The following SUSD1 variants were observed in gnomAD, a reference collection of about 807,000 sequenced individuals.
The protein encoded by SUSD1 is sushi domain-containing protein 1.
Under a neutral mutation model 86.9 loss-of-function variants are expected in SUSD1, and 65 were observed. The ratio of observed to expected loss-of-function variants is 0.75; its 90% CI spans 0.61 to 0.92. The LOEUF (loss-of-function observed/expected upper bound fraction) is 0.92. SUSD1 is among the 40% of genes least tolerant of loss of function. SUSD1 has a pLI of 0.00. For missense variants in SUSD1, 850 were observed against 929.7 expected (o/e 0.91, Z 1.11); for synonymous variants, 346 against 350.0 (o/e 0.99, Z 0.13).
At position 112,151,388 on chromosome 9, in the gene SUSD1, G is replaced by A. The variant is rs191309458; in HGVS notation, c.218-1989C>T. Among the ~76,000 whole-genome samples the A allele has an allele frequency of 3.3e-3, 510 of 152,276 alleles. 5 individuals carry two copies. The highest frequency in any genetic ancestry group is 0.011 in the African/African-American group (473 of 41,562). ...GAGGCAGGAGGATCGCCTGAGGTCA[G>A]GAGTTCGAGACCAGCCTGGCCAACA... is the stretch of plus-strand genomic sequence containing the variant. On this transcript the variant is annotated intron_variant, in intron 2 of 16. Transcript: ENST00000374270.
At position 112,112,109 on chromosome 9, in the gene SUSD1, T is replaced by C. The variant is rs1589672200; in HGVS notation, c.985-269A>G. 1.2e-5 allele frequency: 4 copies of C among 321,596 alleles called. No homozygotes were observed. The Admixed American group carries it at 1.4e-4, about 11-fold the overall frequency. The allele number at this position is 321,596 out of a possible 1,614,324, so 19.9% of individuals were successfully genotyped here. A position where few individuals can be genotyped will look rare whatever the true frequency, so the allele number is the denominator to read the frequency against. On this transcript the variant is annotated intron_variant, in intron 7 of 16. Coordinates refer to ENST00000374270, the MANE Select transcript of SUSD1 (RefSeq NM_022486.5). ...GGAGACAATTGCAACCTGAGGACCA[T>C]TGGCTGCACTCTGTCACCAAGTCAG... is the stretch of plus-strand genomic sequence containing the variant.
intron 13 of SUSD1, 99 bp from the exon 14 acceptor site, chr9:112,058,785 CTTTG>C: frequency 1.4e-6 from 2 of 1,479,526 alleles, no homozygotes; most frequent in Non-Finnish European, 1.8e-6. Flanking sequence ...AAACCTCTTT[CTTTG>C]TTTTTTTGTT....
rs1424318942 is a variant in SUSD1 at position 112,062,979 on chromosome 9, C to T, written c.1808G>A (p.Arg603His). The change falls in exon 13 of 17, where the codon CGC (arginine) becomes CAC (histidine). Residue 603 changes from arginine to histidine, a missense_variant. Physicochemically the swap from Arg to His is conservative, Grantham distance 29. Transcript: ENST00000374270. ...FFTVHRGPLP[R>H]LRLRKAKEKN... ...CTCCTTGGCTTTCCTCAGTCTGAGG[C>T]GTGGTAGAGGTCCTCTGTGCACCGT... 6.8e-6 allele frequency: 11 copies of T among 1,613,372 alleles called. No individual in the cohort carries two copies. The highest frequency in any genetic ancestry group is 2.2e-5 in the East Asian group (1 of 44,896).
chr9:112,143,208 A>T (rs1234888173), intron 4 of SUSD1, among the ~76,000 whole-genome samples: 10 of 151,020 alleles, frequency 6.6e-5, no homozygotes, highest in Admixed American at 5.3e-4. Flanking sequence ...CTGGTCTCGA[A>T]CTCCTGACCT....
At chr9:112,052,627 CA>C (rs762578256) in intron 14 of SUSD1, among the ~76,000 whole-genome samples, 189 bp from the exon 15 acceptor site, 6 of 152,144 alleles carry the variant, frequency 3.9e-5, no homozygotes, top group Non-Finnish European at 8.8e-5. Context: ...GCGTGGGTTG[CA>C]TGGACAGAAG....
chr9:112,052,197 G>A (rs774995041), intron 15 of SUSD1: 2 of 1,508,494 alleles, frequency 1.3e-6, no homozygotes, highest in Non-Finnish European at 1.8e-6. Context: ...CTTCTTGGTG[G>A]GGTAGCTCTT....
chr9:112,142,216 G>T, intron 5 of SUSD1, 104 bp downstream of exon 5: 1 of 951,878 alleles, frequency 1.1e-6, no homozygotes, highest in Non-Finnish European at 1.5e-6. Flanking sequence ...GAATTTTAAA[G>T]GTTTACTTAA....
intron 1 of SUSD1, chr9:112,169,541 CA>C (rs1279496790): frequency 6.6e-6 from 1 of 152,278 alleles, no homozygotes; most frequent in Non-Finnish European, 1.5e-5. Context: ...GCCTCAGGAC[CA>C]GAAACCAACC....
At chr9:112,116,375 GGAAA>G (rs1012624982) in intron 6 of SUSD1, among the ~76,000 whole-genome samples, 1 of 152,140 alleles carries the variant, frequency 6.6e-6, no homozygotes, top group African/African-American at 2.4e-5. Context: ...CAAATTAGTT[GGAAA>G]GACTCCTTTA....
intron 11 of SUSD1, 90 bp downstream of exon 11, chr9:112,079,984 T>A (rs1829695103): frequency 1.1e-6 from 1 of 880,162 alleles, no homozygotes; most frequent in South Asian, 1.4e-5. Context: ...ATAATGATAG[T>A]TATAGATGTA....
intron 1 of SUSD1, among the ~76,000 whole-genome samples, chr9:112,171,004 C>T (rs13292828): frequency 0.27 from 40,918 of 152,114 alleles, 6,713 homozygotes; most frequent in Middle Eastern, 0.34. Context: ...TGAGCCACCG[C>T]ACCCAGCCCA....
chr9:112,173,534 C>A, intron 1 of SUSD1: 1 of 295,796 alleles, frequency 3.4e-6, no homozygotes, highest in Non-Finnish European at 6.7e-6. Flanking sequence ...ACTCTGAAGG[C>A]TTTGTAGGGG....
At chr9:112,165,942 G>GAAGAAAGAAAGAAAGGAAGAAAGAAAGA (rs369416007) in intron 1 of SUSD1, among the ~76,000 whole-genome samples, 77 of 71,952 alleles carry the variant, frequency 1.1e-3, no homozygotes, top group African/African-American at 3.8e-3. Context: ...AAGAAAGAAA[G>GAAGAAAGAAAGAAAGGAAGAAAGAAAGA]AAGAAAGAAA....
chr9:112,061,427 C>T (rs985205389), intron 13 of SUSD1, among the ~76,000 whole-genome samples: 2 of 152,212 alleles, frequency 1.3e-5, no homozygotes, highest in Non-Finnish European at 2.9e-5. Context: ...TCCTCTTTTT[C>T]ACCACCACAC....
chr9:112,053,513 C>CAAAAAAA (rs56987871), intron 14 of SUSD1, among the ~76,000 whole-genome samples: 842 of 77,622 alleles, frequency 0.011, 75 homozygotes, highest in African/African-American at 0.05. Flanking sequence ...GACTTCGTCT[C>CAAAAAAA]AAAAAAAAAA....
At chr9:112,154,268 C>G (rs1833193079) in intron 2 of SUSD1, among the ~76,000 whole-genome samples, 1 of 150,228 alleles carries the variant, frequency 6.7e-6, no homozygotes, top group African/African-American at 2.5e-5. Context: ...GCAGGCAGAT[C>G]ACTTGAGCCC....
chr9:112,135,881 T>C (rs866238846), intron 5 of SUSD1, among the ~76,000 whole-genome samples: 11 of 152,234 alleles, frequency 7.2e-5, no homozygotes, highest in Admixed American at 3.3e-4. Flanking sequence ...ACCATTTTAT[T>C]CCCTTCCACA....
At chr9:112,131,067 G>A (rs73658018) in intron 5 of SUSD1, among the ~76,000 whole-genome samples, 9 of 152,154 alleles carry the variant, frequency 5.9e-5, no homozygotes, top group Admixed American at 3.9e-4. Flanking sequence ...CAAGGTAGGT[G>A]GAAACTATAT....
chr9:112,049,584 G>C (rs1828102580), intron 15 of SUSD1, among the ~76,000 whole-genome samples: 1 of 152,168 alleles, frequency 6.6e-6, no homozygotes, highest in South Asian at 2.1e-4. Flanking sequence ...ATTTGTCACT[G>C]GGCAAAGGCC....
Sources: allele counts gnomAD v4.1 joint callset (sites outside exome capture counted in the v4.1 genomes callset), GRCh38; gene constraint gnomAD v4.1.1; transcripts MANE v1.5; gene names NCBI Gene and HGNC (gene_info 2026-07-23, HGNC 2026-07-21).